Variants in SH3TC2 observed in about 807,000 individuals in gnomAD.
The protein encoded by SH3TC2 is SH3 domain and tetratricopeptide repeats 2, also known as SH3 domain and tetratricopeptide repeat-containing protein 2.
A neutral mutation model predicts 124.5 loss-of-function variants in SH3TC2; 87 were observed. The observed-to-expected ratio is 0.70, with a 90% CI of 0.59 to 0.84. The LOEUF (loss-of-function observed/expected upper bound fraction) is 0.84, where lower values mean the gene tolerates loss of function less well. SH3TC2 is among the 40% of genes least tolerant of loss of function. The probability of loss-of-function intolerance (pLI) is 0.00; values close to 1 mark genes in which losing one functional copy is unlikely to be tolerated. For missense variants in SH3TC2, 1,536 were observed against 1,566.4 expected (o/e 0.98, Z 0.33); for synonymous variants, 634 against 628.5 (o/e 1.01, Z -0.13).
intron 3 of SH3TC2, chr5:149,047,350 A>C (rs1229840352): frequency 1.2e-5 from 2 of 165,026 alleles, no homozygotes; most frequent in Admixed American, 1.1e-4. Context: ...GGATAATGGG[A>C]GTTATTGTTT....
chr5:149,039,803 A>C (rs1580908799), intron 7 of SH3TC2, among the ~76,000 whole-genome samples: 1 of 152,336 alleles, frequency 6.6e-6, no homozygotes, highest in East Asian at 1.9e-4. Flanking sequence ...TTCTAACTAC[A>C]AGGCTGTACT....
chr5:149,018,857 G>A (rs1001445435), intron 12 of SH3TC2, among the ~76,000 whole-genome samples: 1 of 152,028 alleles, frequency 6.6e-6, no homozygotes, highest in Non-Finnish European at 1.5e-5. Context: ...ATCCTTCAAG[G>A]GCCTCCTCAA....
chr5:149,038,159 T>C, intron 8 of SH3TC2, 136 bp downstream of exon 8: 1 of 734,246 alleles, frequency 1.4e-6, no homozygotes, highest in Non-Finnish European at 2.4e-6. Flanking sequence ...TGTATCAACC[T>C]TGGTGTCAGC....
chr5:148,991,015 C>A lies in SH3TC2; in HGVS notation c.*13696G>T, dbSNP rs1284703425. ...CCAGCCAAGTTCACAAACTTCATTTCCCAAAACCCAGAATTAGATCACTTG... is the reference window on the plus strand; with the variant it reads ...CCAGCCAAGTTCACAAACTTCATTTACCAAAACCCAGAATTAGATCACTTG... On this transcript the variant is annotated 3_prime_UTR_variant, in exon 17 of 17. Transcript: ENST00000515425. 6.6e-6 allele frequency among the ~76,000 whole-genome samples: 1 copy of A among 152,136 alleles called. No individual in the cohort carries two copies. Among genetic ancestry groups the A allele is most frequent in the Non-Finnish European group, 1.5e-5 (1 of 68,030 alleles).
chr5:149,010,420 G>A (rs933298459), intron 13 of SH3TC2, 28 bp from the exon 14 acceptor site: 97 of 1,612,900 alleles, frequency 6.0e-5, no homozygotes, highest in Middle Eastern at 1.9e-4. Flanking sequence ...AGCTGTTAAA[G>A]GCAGAGAGGA....
At position 148,987,809 on chromosome 5, in the gene SH3TC2, CTGTGTGTGTGTGTGTGTGTGTG is replaced by C. The variant is rs71957589; in HGVS notation, c.*16880_*16901del. 3.7e-5 allele frequency among the ~76,000 whole-genome samples: 5 copies of C among 135,320 alleles called. No individual in the cohort carries two copies. The highest frequency in any genetic ancestry group is 2.7e-4 in the South Asian group (1 of 3,768). 88.8% of individuals were successfully genotyped at this position (135,320 alleles called of 152,430 possible). A position where few individuals can be genotyped will look rare whatever the true frequency, so the allele number is the denominator to read the frequency against. On this transcript the variant is annotated 3_prime_UTR_variant, in exon 17 of 17. Transcript: ENST00000515425. ...CCTCACTCGAGGCCTCATTCAAAATCTGTGTGTGTGTGTGTGTGTGTGTGTGTGTGTGTGTGTGTGTGTGTGT... is the reference window on the plus strand; with the variant it reads ...CCTCACTCGAGGCCTCATTCAAAATCTGTGTGTGTGTGTGTGTGTGTGTGT...
chr5:149,028,850 C>G, intron 9 of SH3TC2, 132 bp from the exon 10 acceptor site: 1 of 893,384 alleles, frequency 1.1e-6, no homozygotes, highest in Non-Finnish European at 1.9e-6. Flanking sequence ...CATTAAGGAA[C>G]AGGGCAGAAT....
rs1561748937 is a variant in SH3TC2, at chr5:148,986,158, T to C, written c.*18553A>G. 6.6e-6 allele frequency among the ~76,000 whole-genome samples: 1 copy of C among 152,204 alleles called. No individual in the cohort carries two copies. The highest frequency in any genetic ancestry group is 1.9e-4 in the East Asian group (1 of 5,200). On this transcript the variant is annotated 3_prime_UTR_variant, in exon 17 of 17. Transcript: ENST00000515425. ...AGCCTATTTTACTGCCCGTGTGAAC[T>C]TGGGTATGTTACATAACTGCCTTAA...
intron 1 of SH3TC2, 105 bp from the exon 2 acceptor site, chr5:149,052,345 T>G (rs1754573664): frequency 1.3e-6 from 1 of 799,324 alleles, no homozygotes; most frequent in African/African-American, 1.7e-5. Context: ...TTTCCAGGAT[T>G]AGTGGCATGG....
chr5:149,024,592 T>G (rs907751598), intron 12 of SH3TC2, among the ~76,000 whole-genome samples: 1 of 152,204 alleles, frequency 6.6e-6, no homozygotes, highest in Non-Finnish European at 1.5e-5. Context: ...TCTTTACAGA[T>G]GGAAAGAGAC....
chr5:149,016,739 C>T (rs1453816119), intron 12 of SH3TC2, among the ~76,000 whole-genome samples: 3 of 151,912 alleles, frequency 2.0e-5, no homozygotes, highest in Non-Finnish European at 4.4e-5. Flanking sequence ...TCCTGGCTAA[C>T]ACGGTGAAAC....
At chr5:149,055,127 A>G (rs1754619521) in intron 1 of SH3TC2, among the ~76,000 whole-genome samples, 1 of 152,220 alleles carries the variant, frequency 6.6e-6, no homozygotes, top group Non-Finnish European at 1.5e-5. Flanking sequence ...TGATTTCCTA[A>G]ACAGGATGGA....
At position 149,052,251 on chromosome 5, in the gene SH3TC2, T is replaced by A; in HGVS notation, c.53-11A>T. ...AAGGAGTTTCTTTACCTGGAGAAGA[T>A]GAAATAAAAGGTCATCTTAAGAGTG... On this transcript the variant is annotated splice_polypyrimidine_tract_variant and intron_variant, in intron 1 of 16. Transcript: ENST00000515425. 2 of 1,587,254 alleles carry A rather than the reference T, an allele frequency of 1.3e-6. No individual in the cohort carries two copies.
chr5:149,053,578 G>A (rs750195932), intron 1 of SH3TC2, among the ~76,000 whole-genome samples: 5 of 152,202 alleles, frequency 3.3e-5, no homozygotes, highest in African/African-American at 4.8e-5. Flanking sequence ...GTTCTGCCCC[G>A]AGGAACCAAA....
At chr5:149,058,838 G>A (rs1387116413) in intron 1 of SH3TC2, among the ~76,000 whole-genome samples, 2 of 152,128 alleles carry the variant, frequency 1.3e-5, no homozygotes, top group East Asian at 1.9e-4. Context: ...ATGGTGAGGT[G>A]TGAAATATTC....
At chr5:149,004,997 TTTG>T in intron 16 of SH3TC2, 95 bp from the exon 17 acceptor site, 19 of 1,285,422 alleles carry the variant, frequency 1.5e-5, no homozygotes, top group Non-Finnish European at 1.9e-5. Flanking sequence ...GTTTTTTTTG[TTTG>T]TTTGTTTGTT....
rs933205293 is a variant in SH3TC2, at chr5:148,987,313, G to A, written c.*17398C>T. On this transcript the variant is annotated 3_prime_UTR_variant, in exon 17 of 17. Transcript: ENST00000515425. ...ATTCTCATTGGATTGCAAGTGCCAA[G>A]AGGACAAGAACTTTATAAGTTTTTT... Among the ~76,000 whole-genome samples the A allele has an allele frequency of 6.6e-6, 1 of 152,226 alleles. No homozygotes were observed. The highest frequency in any genetic ancestry group is 2.4e-5 in the African/African-American group (1 of 41,460).
chr5:149,041,705 G>C, intron 5 of SH3TC2, 88 bp from the exon 6 acceptor site: 2 of 1,429,402 alleles, frequency 1.4e-6, no homozygotes, highest in South Asian at 2.4e-5. Flanking sequence ...TCTATTCAGA[G>C]CTGGAGTACT....
intron 16 of SH3TC2, 58 bp downstream of exon 16, chr5:149,006,823 C>T (rs1753697967): frequency 6.5e-7 from 1 of 1,545,776 alleles, no homozygotes; most frequent in Admixed American, 1.7e-5. Flanking sequence ...GTCTTTGAGT[C>T]AGGAAGGAGA....
Sources: gnomAD v4.1 joint callset for allele counts (sites outside exome capture counted in the v4.1 genomes callset) on GRCh38, gnomAD v4.1.1 for gene constraint, MANE v1.5 for transcripts, NCBI Gene and HGNC (gene_info 2026-07-23, HGNC 2026-07-21) for gene names.